The following LRMDA variants were observed in gnomAD, a reference collection of about 807,000 sequenced individuals.
LRMDA encodes the protein leucine-rich melanocyte differentiation-associated protein.
LRMDA carries 18 observed loss-of-function variants against 29.8 expected under a neutral mutation model. The observed-to-expected ratio is 0.60, with a 90% confidence interval of 0.42 to 0.90. The LOEUF (loss-of-function observed/expected upper bound fraction) is 0.90. Among genes scored for constraint, LRMDA ranks in the 40% least tolerant of loss-of-function variants. The pLI, the probability that LRMDA is intolerant of heterozygous loss-of-function variation, is 0.00. For missense variants in LRMDA, 273 were observed against 273.9 expected (o/e 1.00, Z 0.02); for synonymous variants, 125 against 109.4 (o/e 1.14, Z -0.89).
intron 2 of LRMDA, among the ~76,000 whole-genome samples, chr10:75,760,071 C>T (rs1843077364): frequency 1.3e-5 from 2 of 152,092 alleles, no homozygotes; most frequent in South Asian, 2.1e-4. Flanking sequence ...TAATGTAGAA[C>T]AAGGGGGAAA....
chr10:75,721,170 A>G (rs1842562438), intron 2 of LRMDA, among the ~76,000 whole-genome samples: 1 of 152,136 alleles, frequency 6.6e-6, no homozygotes, highest in Non-Finnish European at 1.5e-5. Flanking sequence ...TAGCCTTTGG[A>G]CCAAACAGTT....
At chr10:76,096,995 TTTTTA>T (rs59018479) in intron 5 of LRMDA, among the ~76,000 whole-genome samples, 62,487 of 147,656 alleles carry the variant, frequency 0.42, 13,600 homozygotes, top group Non-Finnish European at 0.45. Context: ...GTTACTTTTA[TTTTTA>T]TTTTATTTTA....
At chr10:76,186,286 C>CCCCCA (rs898344845) in intron 5 of LRMDA, among the ~76,000 whole-genome samples, 1 of 152,146 alleles carries the variant, frequency 6.6e-6, no homozygotes, top group African/African-American at 2.4e-5. Context: ...GGCAGATTAG[C>CCCCCA]CCCCACCCCC....
At chr10:75,810,906 T>C (rs138312359) in intron 2 of LRMDA, among the ~76,000 whole-genome samples, 7 of 152,308 alleles carry the variant, frequency 4.6e-5, no homozygotes, top group African/African-American at 1.7e-4. Context: ...GTAAAGAATG[T>C]ACTATTGTAT....
chr10:76,225,451 T>A (rs1046346066), intron 5 of LRMDA, among the ~76,000 whole-genome samples: 1 of 151,632 alleles, frequency 6.6e-6, no homozygotes, highest in Admixed American at 6.6e-5. Context: ...ATCCCCAGTG[T>A]TGGAGGTGGG....
intron 4 of LRMDA, among the ~76,000 whole-genome samples, chr10:76,051,963 G>T (rs1184485243): frequency 2.0e-5 from 3 of 152,230 alleles, no homozygotes; most frequent in Non-Finnish European, 2.9e-5. Context: ...TATACGTTCA[G>T]CAGTTGATCA....
chr10:75,444,061 A>G (rs1043727505), intron 2 of LRMDA, among the ~76,000 whole-genome samples: 2 of 152,220 alleles, frequency 1.3e-5, no homozygotes, highest in African/African-American at 4.8e-5. Flanking sequence ...TGCTGATTCT[A>G]CTATGGCCAC....
intron 2 of LRMDA, among the ~76,000 whole-genome samples, chr10:75,555,113 C>G (rs1840198486): frequency 6.6e-6 from 1 of 151,896 alleles, no homozygotes; most frequent in Non-Finnish European, 1.5e-5. Context: ...TTTGGTGGGC[C>G]CTGGGCTGTC....
At chr10:75,974,277 G>A (rs895469751) in intron 2 of LRMDA, among the ~76,000 whole-genome samples, 1 of 152,180 alleles carries the variant, frequency 6.6e-6, no homozygotes, top group Non-Finnish European at 1.5e-5. Flanking sequence ...GACTCATGGT[G>A]TTCAGGCCCA....
intron 6 of LRMDA, among the ~76,000 whole-genome samples, chr10:76,514,249 C>G (rs1009595308): frequency 6.6e-6 from 1 of 152,160 alleles, no homozygotes; most frequent in African/African-American, 2.4e-5. Context: ...CTGCAGCCTT[C>G]CAAAGTGTCT....
chr10:76,551,604 G>A (rs954058474), intron 6 of LRMDA, among the ~76,000 whole-genome samples: 6 of 152,074 alleles, frequency 3.9e-5, no homozygotes, highest in East Asian at 1.9e-4. Flanking sequence ...AAGTAATGAT[G>A]CATTTTTGAT....
chr10:75,506,007 T>C (rs184044256), intron 2 of LRMDA, among the ~76,000 whole-genome samples: 6 of 152,320 alleles, frequency 3.9e-5, no homozygotes. Flanking sequence ...ATTAGTTTCA[T>C]AGTGAGAAAA....
chr10:76,276,131 TTC>T (rs1426184447), intron 5 of LRMDA, among the ~76,000 whole-genome samples: 1 of 151,784 alleles, frequency 6.6e-6, no homozygotes, highest in East Asian at 1.9e-4. Flanking sequence ...CTTTCTTTCG[TTC>T]TGTATTTCTG....
intron 2 of LRMDA, among the ~76,000 whole-genome samples, chr10:75,727,987 A>ATT (rs898243310): frequency 2.0e-5 from 3 of 152,092 alleles, no homozygotes; most frequent in African/African-American, 7.2e-5. Context: ...AAGAGAACAT[A>ATT]TTTTTTTGAG....
At chr10:76,348,765 G>A (rs1358749538) in intron 6 of LRMDA, among the ~76,000 whole-genome samples, 1 of 152,178 alleles carries the variant, frequency 6.6e-6, no homozygotes, top group African/African-American at 2.4e-5. Context: ...AAATGGCAAA[G>A]GTCCCTGCCT....
At chr10:76,183,879 T>C (rs1851097149) in intron 5 of LRMDA, among the ~76,000 whole-genome samples, 1 of 152,092 alleles carries the variant, frequency 6.6e-6, no homozygotes, top group Non-Finnish European at 1.5e-5. Flanking sequence ...CCACAATGCC[T>C]GGCTATTTAA....
At chr10:76,268,812 C>T (rs115725658) in intron 5 of LRMDA, among the ~76,000 whole-genome samples, 1 of 152,184 alleles carries the variant, frequency 6.6e-6, no homozygotes, top group Non-Finnish European at 1.5e-5. Flanking sequence ...GTCAATCTCT[C>T]TCTACCCCCA....
At chr10:76,533,020 T>A (rs773726774) in intron 6 of LRMDA, among the ~76,000 whole-genome samples, 2 of 152,186 alleles carry the variant, frequency 1.3e-5, no homozygotes, top group Non-Finnish European at 2.9e-5. Context: ...TAAATTATTT[T>A]CATAGTTGTA....
rs191328321 is a variant in LRMDA at position 76,244,275 on chromosome 10, C to T, written c.517-80126C>T. On this transcript the variant is annotated intron_variant, in intron 5 of 6. Coordinates refer to ENST00000611255, the MANE Select transcript of LRMDA (RefSeq NM_001305581.2). ...AACTCAGTGCCTGGTACATGACAGG[C>T]ATTCAGTACACATCAGATTCCTTCT... 1.0e-3 allele frequency among the ~76,000 whole-genome samples: 154 copies of T among 152,302 alleles called. 2 individuals are homozygous for T. The South Asian group carries it at 0.011, about 10-fold the overall frequency.
Sources: gnomAD v4.1 joint callset for allele counts (sites outside exome capture counted in the v4.1 genomes callset) on GRCh38, gnomAD v4.1.1 for gene constraint, MANE v1.5 for transcripts, NCBI Gene and HGNC (gene_info 2026-07-23, HGNC 2026-07-21) for gene names.